Variants in SLC10A7 observed in about 807,000 individuals in gnomAD.
SLC10A7 encodes the protein sodium/bile acid cotransporter 7.
Under a neutral mutation model 43.2 loss-of-function variants are expected in SLC10A7, and 29 were observed. The ratio of observed to expected loss-of-function variants is 0.67; its 90% CI spans 0.50 to 0.92. The LOEUF (loss-of-function observed/expected upper bound fraction) is 0.92, where lower values mean the gene tolerates loss of function less well. Ranked by LOEUF, SLC10A7 falls within the 40% of genes least tolerant of loss-of-function variation. The probability of loss-of-function intolerance (pLI) is 0.00; values close to 1 mark genes in which losing one functional copy is unlikely to be tolerated. For synonymous variants in SLC10A7, 152 were observed against 144.8 expected (o/e 1.05, Z -0.35); for missense variants, 295 against 403.2 (o/e 0.73, Z 2.30).
At chr4:146,517,200 C>T in intron 1 of SLC10A7, 80 bp from the exon 2 acceptor site, 1 of 1,164,146 alleles carries the variant, frequency 8.6e-7, no homozygotes, top group Non-Finnish European at 1.2e-6. Context: ...TATTTGTTCA[C>T]ACCTGTAATC....
chr4:146,372,119 T>TA (rs1736829149), intron 5 of SLC10A7, among the ~76,000 whole-genome samples: 2 of 152,290 alleles, frequency 1.3e-5, no homozygotes, highest in South Asian at 4.1e-4. Flanking sequence ...TAGAGACTCT[T>TA]ATTCATTTAA....
intron 5 of SLC10A7, among the ~76,000 whole-genome samples, chr4:146,366,545 T>C (rs1736404485): frequency 6.6e-6 from 1 of 152,176 alleles, no homozygotes; most frequent in Non-Finnish European, 1.5e-5. Context: ...ATAAAATGCA[T>C]GTGGAGTACA....
intron 5 of SLC10A7, among the ~76,000 whole-genome samples, chr4:146,416,349 G>C (rs989006814): frequency 6.6e-6 from 1 of 152,124 alleles, no homozygotes; most frequent in African/African-American, 2.4e-5. Context: ...AGACTGGAGA[G>C]TATATGACGT....
At chr4:146,310,644 T>C (rs2149687484) in intron 6 of SLC10A7, among the ~76,000 whole-genome samples, 1 of 152,170 alleles carries the variant, frequency 6.6e-6, no homozygotes, top group Middle Eastern at 3.4e-3. Flanking sequence ...AGACACTGCT[T>C]TGAATGCTTA....
chr4:146,461,812 G>A (rs1272419130), intron 4 of SLC10A7, among the ~76,000 whole-genome samples: 3 of 135,272 alleles, frequency 2.2e-5, no homozygotes, highest in Admixed American at 8.1e-5. Flanking sequence ...CTTAAAAGGA[G>A]AGTGACCAGG....
At chr4:146,342,899 A>G (rs1406882505) in intron 5 of SLC10A7, among the ~76,000 whole-genome samples, 2 of 151,850 alleles carry the variant, frequency 1.3e-5, no homozygotes, top group African/African-American at 4.8e-5. Flanking sequence ...TTTTTTATAG[A>G]TAAAACAATG....
At chr4:146,358,900 C>G (rs1409638123) in intron 5 of SLC10A7, among the ~76,000 whole-genome samples, 1 of 152,124 alleles carries the variant, frequency 6.6e-6, no homozygotes, top group African/African-American at 2.4e-5. Context: ...GAGAGTAGAA[C>G]TCCTAAGTGA....
intron 7 of SLC10A7, among the ~76,000 whole-genome samples, chr4:146,297,599 T>G (rs1187620286): frequency 1.3e-5 from 2 of 152,334 alleles, no homozygotes; most frequent in African/African-American, 4.8e-5. Context: ...GTTGTCTGAA[T>G]TTTAAGACTT....
intron 4 of SLC10A7, among the ~76,000 whole-genome samples, chr4:146,482,010 C>T (rs1318793777): frequency 6.6e-6 from 1 of 152,170 alleles, no homozygotes; most frequent in Non-Finnish European, 1.5e-5. Flanking sequence ...TAATACTGAT[C>T]ACAACTAAAG....
chr4:146,401,408 A>C (rs1739215799), intron 5 of SLC10A7, among the ~76,000 whole-genome samples: 1 of 152,238 alleles, frequency 6.6e-6, no homozygotes, highest in Non-Finnish European at 1.5e-5. Context: ...GATATGAACA[A>C]AGGGGCAAAC....
intron 4 of SLC10A7, among the ~76,000 whole-genome samples, chr4:146,472,154 CA>C (rs563105481): frequency 6.6e-6 from 1 of 150,758 alleles, no homozygotes; most frequent in Admixed American, 6.6e-5. Flanking sequence ...AATGAACGTG[CA>C]AAAAAAATGC....
chr4:146,451,274 G>T (rs1301501326), intron 4 of SLC10A7, among the ~76,000 whole-genome samples: 3 of 147,434 alleles, frequency 2.0e-5, no homozygotes, highest in Admixed American at 2.0e-4. Flanking sequence ...GGACCAGCTG[G>T]CTTCACTGCT....
chr4:146,340,526 T>C (rs1734190503), intron 5 of SLC10A7, among the ~76,000 whole-genome samples: 1 of 147,476 alleles, frequency 6.8e-6, no homozygotes, highest in South Asian at 2.1e-4. Flanking sequence ...TGTGTGTATA[T>C]ATATATATGG....
intron 4 of SLC10A7, among the ~76,000 whole-genome samples, chr4:146,446,210 A>G (rs1357268803): frequency 1.3e-5 from 2 of 152,216 alleles, no homozygotes; most frequent in East Asian, 3.9e-4. Context: ...ACACTTACAG[A>G]TGGACTGAGT....
intron 5 of SLC10A7, among the ~76,000 whole-genome samples, chr4:146,328,533 G>A (rs746833317): frequency 6.6e-6 from 1 of 152,156 alleles, no homozygotes; most frequent in Non-Finnish European, 1.5e-5. Context: ...CCCATGCACA[G>A]TGTTGGGACT....
intron 5 of SLC10A7, among the ~76,000 whole-genome samples, chr4:146,424,491 T>C (rs1303431781): frequency 6.6e-6 from 1 of 151,774 alleles, no homozygotes; most frequent in Non-Finnish European, 1.5e-5. Context: ...TGAGACCCCA[T>C]CTCTATAAAA....
intron 4 of SLC10A7, among the ~76,000 whole-genome samples, chr4:146,484,475 C>T (rs149691263): frequency 9.0e-4 from 137 of 152,176 alleles, no homozygotes; most frequent in Non-Finnish European, 1.4e-3. Flanking sequence ...CATAATCTCA[C>T]TTATATATGA....
intron 5 of SLC10A7, among the ~76,000 whole-genome samples, chr4:146,437,443 T>C (rs1730296598): frequency 6.6e-6 from 1 of 152,120 alleles, no homozygotes; most frequent in South Asian, 2.1e-4. Context: ...ATCTATAAGA[T>C]GGTACTGAAA....
chr4:146,488,731 C>A (rs1004178314), intron 4 of SLC10A7, among the ~76,000 whole-genome samples: 2 of 152,106 alleles, frequency 1.3e-5, no homozygotes, highest in African/African-American at 4.8e-5. Flanking sequence ...GCTGTTAAAG[C>A]TTAGACAAAG....
Sources: allele counts gnomAD v4.1 joint callset (sites outside exome capture counted in the v4.1 genomes callset), GRCh38; gene constraint gnomAD v4.1.1; transcripts MANE v1.5; gene names NCBI Gene and HGNC (gene_info 2026-07-23, HGNC 2026-07-21).